Variants in MAST1 observed in about 807,000 individuals in gnomAD.
The protein encoded by MAST1 is microtubule associated serine/threonine kinase 1.
In MAST1, 40 loss-of-function variants were observed where a neutral mutation model predicts 124.6. That is an observed-to-expected ratio of 0.32 (90% confidence interval 0.25 to 0.42). The LOEUF (loss-of-function observed/expected upper bound fraction) is 0.42, where lower values mean the gene tolerates loss of function less well. Among genes scored for constraint, MAST1 ranks in the 10% least tolerant of loss-of-function variants. The pLI is 1.00. For synonymous variants in MAST1, 938 were observed against 939.4 expected, an observed-to-expected ratio of 1.00 and a Z score of 0.03; for missense variants, 1,558 against 2,181.9, an observed-to-expected ratio of 0.71 and a Z score of 5.70.
At chr19:12,868,603 G>A in intron 20 of MAST1, 40 bp from the exon 21 acceptor site, 2 of 1,509,438 alleles carry the variant, frequency 1.3e-6, no homozygotes. Context: ...GAAATCCCTG[G>A]CCTTGGACTA....
rs994154576 is a variant in MAST1 at position 12,874,949 on chromosome 19, G to A, written c.*79G>A. On this transcript the variant is annotated 3_prime_UTR_variant, in exon 26 of 26. Coordinates refer to ENST00000251472, the MANE Select transcript of MAST1 (RefSeq NM_014975.3). This position sits in a 1 kb window ranked among gnomAD's most constrained non-coding sequence, Gnocchi z 6.6. ...TATAAATAAAGTGCGTCCGTGCTGC[G>A]TGAGTTTTCTGGGGCTCACTCCTCT... The A allele has an allele frequency of 2.7e-6, 4 of 1,502,382 alleles. No homozygotes were observed. The highest frequency in any genetic ancestry group is 2.5e-5 in the East Asian group (1 of 40,792). The allele number at this position is 1,502,382 out of a possible 1,614,324, so 93.1% of individuals were successfully genotyped here. A position where few individuals can be genotyped will look rare whatever the true frequency, so the allele number is the denominator to read the frequency against.
At chr19:12,864,611 T>G (rs943135801) in intron 12 of MAST1, among the ~76,000 whole-genome samples, 198 bp from the exon 13 acceptor site, 3 of 152,124 alleles carry the variant, frequency 2.0e-5, no homozygotes, top group African/African-American at 4.8e-5. Context: ...GATGAGCTGA[T>G]GACACCAACT....
Position 12,843,738 on chromosome 19 carries a change from A to C in MAST1, c.327+131A>C, listed in dbSNP as rs2145886236. 1 of 727,274 alleles carries C rather than the reference A, an allele frequency of 1.4e-6. No homozygotes were observed. Among genetic ancestry groups the C allele is most frequent in the Non-Finnish European group, 2.3e-6 (1 of 442,846 alleles). The allele number at this position is 727,274 out of a possible 1,614,324, so 45.1% of individuals were successfully genotyped here. A position where few individuals can be genotyped will look rare whatever the true frequency, so the allele number is the denominator to read the frequency against. On this transcript the variant is annotated intron_variant, in intron 4 of 25. Coordinates refer to ENST00000251472, the MANE Select transcript of MAST1 (RefSeq NM_014975.3). This position sits in a 1 kb window ranked among gnomAD's most constrained non-coding sequence, Gnocchi z 4.9. The stretch of plus-strand genomic sequence containing the variant: ...GTTTAGGGCCAGGCTCAGTGACTCA[A>C]GCCTGTAATCCCAGTACTTTGGGAG...
chr19:12,860,645 C>A (rs1212102039), intron 12 of MAST1, among the ~76,000 whole-genome samples: 1 of 151,594 alleles, frequency 6.6e-6, no homozygotes, highest in Non-Finnish European at 1.5e-5. Flanking sequence ...AGGGTTTTCA[C>A]CATGTTGGCC....
Position 12,869,303 on chromosome 19 carries a change from C to A in MAST1, c.3003+8C>A, listed in dbSNP as rs768028452. 6.2e-7 allele frequency: 1 copy of A among 1,607,992 alleles called. No individual in the cohort carries two copies. The highest frequency in any genetic ancestry group is 8.5e-7 in the Non-Finnish European group (1 of 1,175,980). On this transcript the variant is annotated splice_region_variant and intron_variant, in intron 22 of 25. Coordinates refer to ENST00000251472, the MANE Select transcript of MAST1 (RefSeq NM_014975.3). Reference sequence around the variant, plus strand: ...GTCCACCACATTGTCTGGGTGAGTACTCATGGGTGGAGTCTCCATCACAGA... The same window carrying A: ...GTCCACCACATTGTCTGGGTGAGTAATCATGGGTGGAGTCTCCATCACAGA...
intron 10 of MAST1, among the ~76,000 whole-genome samples, chr19:12,857,369 A>G (rs6511844): frequency 0.27 from 41,240 of 151,668 alleles, 6,167 homozygotes; most frequent in East Asian, 0.61. Flanking sequence ...TTGGCCTCCC[A>G]AAGTGCTGGG....
chr19:12,862,479 T>G (rs1382600527), intron 12 of MAST1, among the ~76,000 whole-genome samples: 2 of 152,064 alleles, frequency 1.3e-5, no homozygotes, highest in Non-Finnish European at 2.9e-5. Flanking sequence ...TTAAGAAGAT[T>G]TGATATGATC....
At chr19:12,860,129 G>C (rs1970062195) in intron 12 of MAST1, among the ~76,000 whole-genome samples, 1 of 150,778 alleles carries the variant, frequency 6.6e-6, no homozygotes, top group African/African-American at 2.4e-5. Flanking sequence ...TCTTTTTTTT[G>C]GGGGGGACGG....
rs2145908385 is a variant in MAST1, at chr19:12,866,620, T to C, written c.2030-33T>C. On this transcript the variant is annotated intron_variant, in intron 17 of 25. Transcript: ENST00000251472. This position sits in a 1 kb window ranked among gnomAD's most constrained non-coding sequence, Gnocchi z 5.2. ...GGATGTGATATGAGGAGGAACCCCG[T>C]ACCCTCAGTCACAGCCCATACCCGC... 4 of 1,432,334 alleles carry C rather than the reference T, an allele frequency of 2.8e-6. No individual in the cohort carries two copies. Among genetic ancestry groups the C allele is most frequent in the African/African-American group, 1.4e-5 (1 of 71,170 alleles). 88.7% of individuals were successfully genotyped at this position (1,432,334 alleles called of 1,614,324 possible). A position where few individuals can be genotyped will look rare whatever the true frequency, so the allele number is the denominator to read the frequency against.
chr19:12,874,155 G>A lies in MAST1; in HGVS notation c.3998G>A (p.Arg1333Gln), dbSNP rs1171311981. Residue 1333 changes from arginine to glutamine, a missense_variant, in exon 26 of 26, where the codon CGA becomes CAA. Physicochemically the swap from Arg to Gln is conservative, Grantham distance 43. Around this residue, in one of 10 missense-constraint regions of MAST1, gnomAD observed 263 missense variants for 310.9 expected, o/e 0.85. Transcript: ENST00000251472. The surrounding 1 kb of genome is among the most constrained non-coding windows in gnomAD (Gnocchi z 6.6). ...PRQVAVRRLG[R>Q]QESPLSLGAD... ...CAGGTCGCCGTCCGCCGCCTGGGCC[G>A]ACAGGAGTCACCTTTGAGCCTGGGC... 2.6e-6 allele frequency: 4 copies of A among 1,540,886 alleles called. No individual in the cohort carries two copies. The highest frequency in any genetic ancestry group is 3.5e-6 in the Non-Finnish European group (4 of 1,145,940).
chr19:12,847,246 G>A lies in MAST1; in HGVS notation c.328-44G>A. On this transcript the variant is annotated intron_variant, in intron 4 of 25. Coordinates refer to ENST00000251472, the MANE Select transcript of MAST1 (RefSeq NM_014975.3). The surrounding 1 kb of genome is among the most constrained non-coding windows in gnomAD (Gnocchi z 5.5). ...CCAGCTCAGGGTCCTGAGCTGTTGG[G>A]GGGCCCATGGTGGCTCTGACCCCGG... The A allele has an allele frequency of 7.2e-7, 1 of 1,395,598 alleles. No individual in the cohort carries two copies. Among genetic ancestry groups the A allele is most frequent in the Non-Finnish European group, 1.0e-6 (1 of 993,566 alleles). The allele number at this position is 1,395,598 out of a possible 1,614,324, so 86.5% of individuals were successfully genotyped here.
chr19:12,870,787 C>A, intron 22 of MAST1, 37 bp from the exon 23 acceptor site: 1 of 1,546,714 alleles, frequency 6.5e-7, no homozygotes, highest in South Asian at 1.2e-5. Context: ...GTTACCAATC[C>A]CACTAACCCT....
chr19:12,870,459 C>A (rs1416695326), intron 22 of MAST1, among the ~76,000 whole-genome samples: 3 of 148,428 alleles, frequency 2.0e-5, no homozygotes, highest in Non-Finnish European at 4.4e-5. Context: ...CCACTGCACT[C>A]CAGCCTGGGT....
rs1351389284 is a variant in MAST1, at chr19:12,852,322, C to T, written c.1010-6C>T. On this transcript the variant is annotated splice_polypyrimidine_tract_variant and splice_region_variant and intron_variant, in intron 9 of 25. Transcript: ENST00000251472. ...CAGCTCGTGCTCACTCTCAGTCCCTCCCTAGATGTGGTGCATCTGGAGGAA... is the reference window on the plus strand; with the variant it reads ...CAGCTCGTGCTCACTCTCAGTCCCTTCCTAGATGTGGTGCATCTGGAGGAA... 1 of 1,614,124 alleles carries T rather than the reference C, an allele frequency of 6.2e-7. No homozygotes were observed. Among genetic ancestry groups the T allele is most frequent in the Admixed American group, 1.7e-5 (1 of 60,014 alleles).
intron 20 of MAST1, among the ~76,000 whole-genome samples, chr19:12,868,407 C>G (rs1416818070): frequency 1.3e-5 from 2 of 152,060 alleles, no homozygotes; most frequent in African/African-American, 4.8e-5. Flanking sequence ...CCACACCCAG[C>G]CCAATTTGGG....
rs570714768 is a variant in MAST1, at chr19:12,873,275, A to G, written c.3264-49A>G. The G allele has an allele frequency of 3.8e-6, 6 of 1,572,590 alleles. No homozygotes were observed. The African/African-American group carries it at 5.4e-5, about 14-fold the overall frequency. On this transcript the variant is annotated intron_variant, in intron 24 of 25. Coordinates refer to ENST00000251472, the MANE Select transcript of MAST1 (RefSeq NM_014975.3). ...AGGCCGTGAAATGGGAGGAGCCCTGAGCTCTGGCGTCCAGGTCAAGGACGC... is the reference window on the plus strand; with the variant it reads ...AGGCCGTGAAATGGGAGGAGCCCTGGGCTCTGGCGTCCAGGTCAAGGACGC...
intron 12 of MAST1, among the ~76,000 whole-genome samples, chr19:12,861,717 T>TC (rs1568412312): frequency 2.7e-5 from 4 of 148,992 alleles, no homozygotes; most frequent in African/African-American, 5.0e-5. Context: ...TTTCTTTCTT[T>TC]TTTGAGATAG....
chr19:12,844,987 AGTGAGCAAT>A (rs1330835403), intron 4 of MAST1, among the ~76,000 whole-genome samples: 1 of 152,134 alleles, frequency 6.6e-6, no homozygotes, highest in Non-Finnish European at 1.5e-5. Flanking sequence ...TAACCAGAGG[AGTGAGCAAT>A]GTGATGTTTA....
At chr19:12,862,738 G>C (rs925273248) in intron 12 of MAST1, among the ~76,000 whole-genome samples, 4 of 150,884 alleles carry the variant, frequency 2.7e-5, no homozygotes. Flanking sequence ...CGTGATCTTG[G>C]CTCACCGCAA....
Sources: allele counts gnomAD v4.1 joint callset (sites outside exome capture counted in the v4.1 genomes callset), GRCh38; gene constraint gnomAD v4.1.1; regional missense constraint gnomAD v4.1.1; non-coding constraint Gnocchi (gnomAD v3.1); transcripts MANE v1.5; gene names NCBI Gene and HGNC (gene_info 2026-07-23, HGNC 2026-07-21).